Variants in SEC24C observed in about 807,000 individuals in gnomAD.
The protein encoded by SEC24C is protein transport protein Sec24C.
In SEC24C, 22 loss-of-function variants were observed where a neutral mutation model predicts 117.0. That is an observed-to-expected ratio of 0.19 (90% CI 0.13 to 0.27). SEC24C has a LOEUF of 0.27. Among genes scored for constraint, SEC24C ranks in the 10% least tolerant of loss-of-function variants. SEC24C has a pLI of 1.00. For synonymous variants in SEC24C, 506 were observed against 529.4 expected, an observed-to-expected ratio of 0.96 and a Z score of 0.61; for missense variants, 1,155 against 1,375.1, an observed-to-expected ratio of 0.84 and a Z score of 2.53.
At chr10:73,755,665 C>T (rs547975246) in intron 3 of SEC24C, among the ~76,000 whole-genome samples, 74 of 150,360 alleles carry the variant, frequency 4.9e-4, no homozygotes, top group Non-Finnish European at 8.0e-4. Context: ...CGACAGACAG[C>T]GAGACTCCGT....
At chr10:73,766,934 C>CTTCAGTAGTGGGTGACTGTCCAGTGTGT in intron 13 of SEC24C, 81 bp downstream of exon 13, 1 of 1,428,406 alleles carries the variant, frequency 7.0e-7, no homozygotes, top group Non-Finnish European at 9.9e-7. Context: ...ACCTCTCTTT[C>CTTCAGTAGTGGGTGACTGTCCAGTGTGT]TTCAGTAGTG....
rs749399217 is a variant in SEC24C, at chr10:73,769,369, G to C, written c.2447G>C (p.Cys816Ser). The C allele has an allele frequency of 2.5e-6, 4 of 1,614,008 alleles. No homozygotes were observed. In the Admixed American group the frequency reaches 5.0e-5, roughly 20 times the overall value. ...TAGTGTGCCCTGCTTTACACCAGCT[G>C]TGCAGGGCAGCGTCGGCTCCGCATC... ...LLQCALLYTSCAGQRRLRIHN... is the reference protein window; with the variant it reads ...LLQCALLYTSSAGQRRLRIHN... The change falls in exon 18 of 23, where the codon TGT becomes TCT. Residue 816 changes from cysteine (C) to serine (S), a missense_variant. Physicochemically the swap from Cys to Ser is moderately radical, Grantham distance 112. Coordinates refer to ENST00000345254, the MANE Select transcript of SEC24C (RefSeq NM_198597.3). This position sits in a 1 kb window ranked among gnomAD's most constrained non-coding sequence, Gnocchi z 4.5.
At chr10:73,749,296 C>T (rs2082608768) in intron 2 of SEC24C, among the ~76,000 whole-genome samples, 1 of 152,170 alleles carries the variant, frequency 6.6e-6, no homozygotes, top group Non-Finnish European at 1.5e-5. Context: ...GAGAAAGCCT[C>T]TTGTTGGACT....
rs1055453705 is a variant in SEC24C at position 73,746,935 on chromosome 10, A to G, written c.103A>G (p.Thr35Ala). The G allele has an allele frequency of 6.2e-7, 1 of 1,614,162 alleles. No homozygotes were observed. Among genetic ancestry groups the G allele is most frequent in the Admixed American group, 1.7e-5 (1 of 60,018 alleles). Residue 35 changes from threonine (T) to alanine (A), a missense_variant, in exon 2 of 23, where the codon ACA (threonine) becomes GCA (alanine). Physicochemically the swap from Thr to Ala is moderately conservative, Grantham distance 58. Transcript: ENST00000345254. ...QSSYGGQSGS[T>A]APAIPYGAYN... ...CAGCTATGGTGGGCAATCAGGGTCC[A>G]CAGCCCCCGCCATTCCCTATGGAGC...
Position 73,768,024 on chromosome 10 carries a change from G to C in SEC24C, c.2181+17G>C. 6.2e-7 allele frequency: 1 copy of C among 1,605,644 alleles called. No individual in the cohort carries two copies. The highest frequency in any genetic ancestry group is 8.5e-7 in the Non-Finnish European group (1 of 1,175,946). ...TCCTTTCAGGTATGGTGTGGGATTT[G>C]GGGCAGCAGGTGGCAGCAGGGCTGG... On this transcript the variant is annotated intron_variant, in intron 15 of 22. Coordinates refer to ENST00000345254, the MANE Select transcript of SEC24C (RefSeq NM_198597.3).
chr10:73,770,871 T>A, intron 22 of SEC24C, 73 bp downstream of exon 22: 1 of 1,612,714 alleles, frequency 6.2e-7, no homozygotes, highest in Middle Eastern at 1.7e-4. Flanking sequence ...GGGTGGGGAA[T>A]GAGTAAGTGA....
intron 3 of SEC24C, among the ~76,000 whole-genome samples, chr10:73,756,899 ATTTTTTTTTTTTTTT>A (rs1172846982): frequency 3.6e-4 from 15 of 41,898 alleles, no homozygotes; most frequent in Non-Finnish European, 4.4e-4. Flanking sequence ...TTCCTGGCCA[ATTTTTTTTTTTTTTT>A]TTTTTTTTTT....
rs754167310 is a variant in SEC24C at position 73,765,896 on chromosome 10, C to T, written c.1463C>T (p.Ala488Val). 4 of 1,613,632 alleles carry T rather than the reference C, an allele frequency of 2.5e-6. No individual in the cohort carries two copies. In the Admixed American group the frequency reaches 6.7e-5, roughly 27 times the overall value. The change falls in exon 10 of 23, where the codon GCC (alanine) becomes GTC (valine). Residue 488 changes from alanine (A) to valine (V), a missense_variant. Physicochemically the swap from Ala to Val is moderately conservative, Grantham distance 64. Coordinates refer to ENST00000345254, the MANE Select transcript of SEC24C (RefSeq NM_198597.3). ...ELSLGSYEFL[A>V]TVDYCKNNKF... ...TCCCTGGGCTCTTATGAATTCTTGGCCACTGTAGATTACTGCAAGGTGAGG... is the reference window on the plus strand; with the variant it reads ...TCCCTGGGCTCTTATGAATTCTTGGTCACTGTAGATTACTGCAAGGTGAGG...
In SEC24C at chr10:73,770,801, A is replaced by G; in HGVS notation, c.3144+3A>G. The G allele has an allele frequency of 6.2e-7, 1 of 1,614,098 alleles. No individual in the cohort carries two copies. The highest frequency in any genetic ancestry group is 1.1e-5 in the South Asian group (1 of 91,084). ...CACAGAGATCCCGGTACATGAAGGT[A>G]ACACTGATCTGAACCCTGGATTTCT... On this transcript the variant is annotated splice_donor_region_variant and intron_variant, in intron 22 of 22. Coordinates refer to ENST00000345254, the MANE Select transcript of SEC24C (RefSeq NM_198597.3).
chr10:73,753,109 G>T (rs371974032), intron 3 of SEC24C, among the ~76,000 whole-genome samples: 1 of 152,036 alleles, frequency 6.6e-6, no homozygotes, highest in East Asian at 1.9e-4. Flanking sequence ...GAATGCAGTG[G>T]TGTGATCTCG....
intron 8 of SEC24C, among the ~76,000 whole-genome samples, chr10:73,765,242 T>A (rs751184740): frequency 2.5e-4 from 38 of 152,224 alleles, no homozygotes; most frequent in Non-Finnish European, 1.2e-4. Context: ...GGGGGTGGGA[T>A]GTAGGAAGAG....
intron 8 of SEC24C, among the ~76,000 whole-genome samples, chr10:73,765,064 G>T (rs892101474): frequency 6.6e-6 from 1 of 152,174 alleles, no homozygotes; most frequent in Non-Finnish European, 1.5e-5. Context: ...GTTAGGGAAG[G>T]AGCTGGAATC....
At chr10:73,753,223 T>A (rs2082666566) in intron 3 of SEC24C, among the ~76,000 whole-genome samples, 1 of 152,152 alleles carries the variant, frequency 6.6e-6, no homozygotes, top group South Asian at 2.1e-4. Flanking sequence ...CTAATTTTTT[T>A]ATATTTTTAG....
At chr10:73,768,050 G>T in intron 15 of SEC24C, 43 bp downstream of exon 15, 1 of 1,573,378 alleles carries the variant, frequency 6.4e-7, no homozygotes, top group Non-Finnish European at 8.7e-7. Flanking sequence ...GCAGGGCTGG[G>T]AATATCTGCT....
In SEC24C at chr10:73,771,992, C is replaced by G. The variant is rs1002261813; in HGVS notation, c.*897C>G. 1.6e-5 allele frequency: 4 copies of G among 254,396 alleles called. No homozygotes were observed. Among genetic ancestry groups the G allele is most frequent in the Non-Finnish European group, 3.0e-5 (4 of 134,072 alleles). 15.8% of individuals were successfully genotyped at this position (254,396 alleles called of 1,614,324 possible). A position where few individuals can be genotyped will look rare whatever the true frequency, so the allele number is the denominator to read the frequency against. ...TATTGACTGAGTGGCTGACAGTTAT[C>G]TTCCAACCCCAACTGGCTTGGGGGC... On this transcript the variant is annotated 3_prime_UTR_variant, in exon 23 of 23. Coordinates refer to ENST00000345254, the MANE Select transcript of SEC24C (RefSeq NM_198597.3).
At position 73,760,068 on chromosome 10, in the gene SEC24C, CTGTA is replaced by C. The variant is rs746090211; in HGVS notation, c.535_538del (p.Tyr179AlafsTer47). The C allele has an allele frequency of 6.2e-7, 1 of 1,611,108 alleles. No homozygotes were observed. The highest frequency in any genetic ancestry group is 8.5e-7 in the Non-Finnish European group (1 of 1,178,414). On this transcript the variant is annotated frameshift_variant, in exon 5 of 23. Coordinates refer to ENST00000345254, the MANE Select transcript of SEC24C (RefSeq NM_198597.3). LOFTEE classifies it high-confidence loss of function. ...CTCAGGAAGTTTCCCTAACTCTGGT[CTGTA>C]TGGCTCCTATCCTCAGGGCCAGGCT...
At chr10:73,745,870 C>G (rs1201651120) in intron 1 of SEC24C, among the ~76,000 whole-genome samples, 4 of 151,822 alleles carry the variant, frequency 2.6e-5, no homozygotes, top group African/African-American at 4.8e-5. Context: ...GATTTTAATG[C>G]TTCGGTTTTG....
rs779891594 is a variant in SEC24C, at chr10:73,760,236, CAG to C, written c.703_704del (p.Ser235PhefsTer60). The C allele has an allele frequency of 6.2e-7, 1 of 1,614,172 alleles. No individual in the cohort carries two copies. The highest frequency in any genetic ancestry group is 2.2e-5 in the East Asian group (1 of 44,884). ...GATGACTGGTCCACTCCTGCCTGGA[CAG>C]AGTTTTGGAGGGCCCTCAGTGAGCC... ...PSMTGPLLPGQSFGGPSVSQP... is the reference protein window; with the variant it reads ...PSMTGPLLPGXSFGGPSVSQP... On this transcript the variant is annotated frameshift_variant, in exon 5 of 23. Coordinates refer to ENST00000345254, the MANE Select transcript of SEC24C (RefSeq NM_198597.3). LOFTEE classifies it high-confidence loss of function.
At chr10:73,754,940 C>G (rs2132535302) in intron 3 of SEC24C, among the ~76,000 whole-genome samples, 1 of 152,086 alleles carries the variant, frequency 6.6e-6, no homozygotes, top group Non-Finnish European at 1.5e-5. Flanking sequence ...TCGAGACAAG[C>G]CTGGGCAACA....
Sources: allele counts gnomAD v4.1 joint callset (sites outside exome capture counted in the v4.1 genomes callset), GRCh38; gene constraint gnomAD v4.1.1; non-coding constraint Gnocchi (gnomAD v3.1); transcripts MANE v1.5; gene names NCBI Gene and HGNC (gene_info 2026-07-23, HGNC 2026-07-21).